ADAMTSL1: variants seen among roughly 807,000 people sequenced by gnomAD.
The protein encoded by ADAMTSL1 is ADAMTS like 1.
A neutral mutation model predicts 201.8 loss-of-function variants in ADAMTSL1; 126 were observed. The ratio of observed to expected loss-of-function variants is 0.62; its 90% confidence interval spans 0.54 to 0.72. ADAMTSL1 has a LOEUF of 0.72. Ranked by LOEUF, ADAMTSL1 falls within the 30% of genes least tolerant of loss-of-function variation. The pLI is 0.00. For synonymous variants in ADAMTSL1, 1,121 were observed against 903.4 expected (o/e 1.24, Z -4.32); for missense variants, 2,679 against 2,277.8 (o/e 1.18, Z -3.59).
chr9:18,851,724 C>T (rs541198479), intron 23 of ADAMTSL1, among the ~76,000 whole-genome samples: 15 of 152,304 alleles, frequency 9.8e-5, no homozygotes, highest in Admixed American at 2.6e-4. Flanking sequence ...CCTGTCAACA[C>T]TTGGGAAGGG....
chr9:18,173,603 T>A lies in ADAMTSL1; in HGVS notation c.207+9622T>A, dbSNP rs2132135687. 1.3e-5 allele frequency among the ~76,000 whole-genome samples: 2 copies of A among 152,258 alleles called. 1 individual carries two copies. The highest frequency in any genetic ancestry group is 4.1e-4 in the South Asian group (2 of 4,824). ...GCATTTGCTAGGATTCTGCCATTTA[T>A]TCCAAACAACAAATAGATACCAAGA... is the stretch of plus-strand genomic sequence containing the variant. On this transcript the variant is annotated intron_variant, in intron 2 of 29. Transcript: ENST00000680146.
intron 16 of ADAMTSL1, among the ~76,000 whole-genome samples, chr9:18,762,608 T>C (rs1250718381): frequency 6.6e-6 from 1 of 152,126 alleles, no homozygotes; most frequent in Non-Finnish European, 1.5e-5. Context: ...TTACATATTT[T>C]CATACCTATT....
chr9:18,709,674 G>T (rs1300994556), intron 14 of ADAMTSL1, among the ~76,000 whole-genome samples: 6 of 152,174 alleles, frequency 3.9e-5, no homozygotes, highest in African/African-American at 1.4e-4. Context: ...AACCTGCTCA[G>T]ATCTGTATCC....
chr9:18,776,666 C>A, intron 18 of ADAMTSL1, 115 bp from the exon 19 acceptor site: 1 of 1,234,776 alleles, frequency 8.1e-7, no homozygotes, highest in Non-Finnish European at 1.1e-6. Context: ...TTCGTCTCTC[C>A]TTCTCTTCTC....
chr9:17,929,503 A>G (rs1490738695), intron 1 of ADAMTSL1, among the ~76,000 whole-genome samples: 2 of 151,836 alleles, frequency 1.3e-5, no homozygotes, highest in Non-Finnish European at 2.9e-5. Flanking sequence ...GCCCCTGCCT[A>G]GCTCCCCAGG....
intron 1 of ADAMTSL1, among the ~76,000 whole-genome samples, chr9:18,103,370 T>C (rs961731587): frequency 1.3e-5 from 2 of 152,184 alleles, no homozygotes; most frequent in African/African-American, 4.8e-5. Flanking sequence ...TAGATACTTA[T>C]AACGATGTTT....
chr9:18,576,839 A>T (rs947425176), intron 4 of ADAMTSL1, among the ~76,000 whole-genome samples: 2 of 151,796 alleles, frequency 1.3e-5, no homozygotes, highest in African/African-American at 4.8e-5. Flanking sequence ...TTTTTTTCAA[A>T]TATTTACAGT....
intron 2 of ADAMTSL1, among the ~76,000 whole-genome samples, chr9:18,196,905 C>T (rs138711425): frequency 6.6e-6 from 1 of 152,206 alleles, no homozygotes; most frequent in East Asian, 1.9e-4. Context: ...GTCCCCTCCT[C>T]AAAGAAGCCT....
At chr9:18,826,262 TG>T (rs1563833532) in intron 21 of ADAMTSL1, 21 bp from the exon 22 acceptor site, 9 of 1,486,994 alleles carry the variant, frequency 6.1e-6, no homozygotes, top group East Asian at 4.8e-5. Context: ...TGGGGTTTTT[TG>T]TTTTTTTTTT....
chr9:18,299,822 T>A (rs1304623080), intron 2 of ADAMTSL1, among the ~76,000 whole-genome samples: 2 of 152,228 alleles, frequency 1.3e-5, no homozygotes, highest in Non-Finnish European at 2.9e-5. Flanking sequence ...GAAAGACATC[T>A]ACACTGAAGC....
intron 7 of ADAMTSL1, among the ~76,000 whole-genome samples, chr9:18,648,031 T>C (rs1323839605): frequency 6.7e-6 from 1 of 149,160 alleles, no homozygotes; most frequent in Non-Finnish European, 1.5e-5. Flanking sequence ...TAAGTCTCTT[T>C]GTAGGTCACT....
chr9:18,747,331 T>C (rs1251746572), intron 15 of ADAMTSL1, among the ~76,000 whole-genome samples: 1 of 152,146 alleles, frequency 6.6e-6, no homozygotes, highest in South Asian at 2.1e-4. Flanking sequence ...TGTTCCCACA[T>C]CTTAGGTAAG....
At chr9:18,168,439 T>G (rs1344898949) in intron 2 of ADAMTSL1, among the ~76,000 whole-genome samples, 1 of 152,060 alleles carries the variant, frequency 6.6e-6, no homozygotes, top group Non-Finnish European at 1.5e-5. Flanking sequence ...TCCATGTCCC[T>G]ACAAAGGACA....
intron 1 of ADAMTSL1, among the ~76,000 whole-genome samples, chr9:18,006,840 G>A (rs571646768): frequency 6.5e-4 from 99 of 152,104 alleles, no homozygotes; most frequent in African/African-American, 2.2e-3. Flanking sequence ...GTGAATAGGA[G>A]ATTCAGAACT....
At chr9:18,366,706 G>A (rs1375292115) in intron 2 of ADAMTSL1, among the ~76,000 whole-genome samples, 2 of 129,030 alleles carry the variant, frequency 1.6e-5, no homozygotes, top group Non-Finnish European at 3.1e-5. Flanking sequence ...CTGGAGTGCA[G>A]TGGCACCATC....
chr9:18,142,512 C>T (rs1826445455), intron 1 of ADAMTSL1, among the ~76,000 whole-genome samples: 1 of 152,166 alleles, frequency 6.6e-6, no homozygotes, highest in Non-Finnish European at 1.5e-5. Context: ...AATTCTGTCC[C>T]TCAGGTTTTA....
In ADAMTSL1 at chr9:18,824,612, GA is replaced by G. The variant is rs574402086; in HGVS notation, c.3935-1668del. Among the ~76,000 whole-genome samples the G allele has an allele frequency of 5.6e-4, 85 of 150,510 alleles. No individual in the cohort carries two copies. In the East Asian group the frequency reaches 0.013, roughly 24 times the overall value. ...AGGCAAAAACCAGCCCCAGCTCAGG[GA>G]AAACACTAGACCACTAGACTAAAGG... On this transcript the variant is annotated intron_variant, in intron 21 of 28. Transcript: ENST00000380548.
At chr9:18,497,444 C>T (rs1185650439) in intron 1 of ADAMTSL1, among the ~76,000 whole-genome samples, 1 of 152,030 alleles carries the variant, frequency 6.6e-6, no homozygotes, top group African/African-American at 2.4e-5. Flanking sequence ...ATTATTATCA[C>T]AGAAAAAGAG....
intron 1 of ADAMTSL1, among the ~76,000 whole-genome samples, chr9:18,024,246 A>T (rs970490104): frequency 1.3e-5 from 2 of 152,038 alleles, no homozygotes; most frequent in Non-Finnish European, 2.9e-5. Flanking sequence ...ATAGTGTTTT[A>T]TTTATTTATT....
Sources: gnomAD v4.1 joint callset for allele counts (sites outside exome capture counted in the v4.1 genomes callset) on GRCh38, gnomAD v4.1.1 for gene constraint, MANE v1.5 for transcripts, NCBI Gene and HGNC (gene_info 2026-07-23, HGNC 2026-07-21) for gene names.